Variants in DLGAP1 observed in about 807,000 individuals in gnomAD.
The protein encoded by DLGAP1 is disks large-associated protein 1.
Under a neutral mutation model 90.8 loss-of-function variants are expected in DLGAP1, and 11 were observed. The observed-to-expected ratio is 0.12, with a 90% CI of 0.08 to 0.20. The LOEUF (loss-of-function observed/expected upper bound fraction) is 0.20, where lower values mean the gene tolerates loss of function less well. Among genes scored for constraint, DLGAP1 ranks in the 10% least tolerant of loss-of-function variants. The pLI, the probability that DLGAP1 is intolerant of heterozygous loss-of-function variation, is 1.00. For missense variants in DLGAP1, 1,050 were observed against 1,333.8 expected (o/e 0.79, Z 3.31); for synonymous variants, 558 against 540.7 (o/e 1.03, Z -0.44).
chr18:4,276,166 C>A (rs1040146348), intron 1 of DLGAP1, among the ~76,000 whole-genome samples: 2 of 129,922 alleles, frequency 1.5e-5, no homozygotes, highest in African/African-American at 3.0e-5. Flanking sequence ...TGGGAGGGGG[C>A]TTGATTTTTT....
chr18:4,430,213 G>A (rs2083254384), intron 1 of DLGAP1, among the ~76,000 whole-genome samples: 1 of 152,086 alleles, frequency 6.6e-6, no homozygotes, highest in Non-Finnish European at 1.5e-5. Flanking sequence ...TATTTGTTGA[G>A]TTGTTATGTC....
At chr18:3,593,336 A>G (rs1198979233) in intron 7 of DLGAP1, among the ~76,000 whole-genome samples, 1 of 152,212 alleles carries the variant, frequency 6.6e-6, no homozygotes, top group Non-Finnish European at 1.5e-5. Flanking sequence ...CAAAATGCAC[A>G]TGGAAAAATC....
At chr18:3,816,237 G>A (rs763185488) in intron 4 of DLGAP1, among the ~76,000 whole-genome samples, 1 of 151,994 alleles carries the variant, frequency 6.6e-6, no homozygotes, top group African/African-American at 2.4e-5. Context: ...TAGGGTTCGA[G>A]GTGTTTAACT....
chr18:4,149,435 T>C (rs554315848), intron 2 of DLGAP1, among the ~76,000 whole-genome samples: 5 of 152,254 alleles, frequency 3.3e-5, no homozygotes, highest in African/African-American at 9.6e-5. Flanking sequence ...TAGAATAAAG[T>C]AAAAGGAGCT....
At chr18:3,592,334 G>A (rs563650628) in intron 7 of DLGAP1, among the ~76,000 whole-genome samples, 8 of 152,222 alleles carry the variant, frequency 5.3e-5, no homozygotes, top group Admixed American at 4.6e-4. Flanking sequence ...TGCTCCTTGC[G>A]GTGATGTGTT....
chr18:3,713,403 C>T (rs1810226639), intron 7 of DLGAP1, among the ~76,000 whole-genome samples: 1 of 152,200 alleles, frequency 6.6e-6, no homozygotes, highest in South Asian at 2.1e-4. Flanking sequence ...GGACACATCG[C>T]TCAGATAACT....
intron 2 of DLGAP1, among the ~76,000 whole-genome samples, chr18:4,092,482 C>A (rs575114206): frequency 3.9e-5 from 6 of 152,300 alleles, no homozygotes; most frequent in African/African-American, 1.4e-4. Flanking sequence ...TCTCGTCCAT[C>A]CCCTTGTGGT....
At chr18:3,922,782 G>C (rs1290008722) in intron 3 of DLGAP1, among the ~76,000 whole-genome samples, 1 of 151,928 alleles carries the variant, frequency 6.6e-6, no homozygotes, top group Admixed American at 6.6e-5. Context: ...GTTACTTCTG[G>C]GTAAAAGGAT....
At chr18:3,792,123 C>T (rs2148235548) in intron 5 of DLGAP1, among the ~76,000 whole-genome samples, 1 of 152,282 alleles carries the variant, frequency 6.6e-6, no homozygotes, top group South Asian at 2.1e-4. Flanking sequence ...CCAGCTGGCC[C>T]TGTGTACTCA....
At position 3,600,719 on chromosome 18, in the gene DLGAP1, TAGAG is replaced by T. The variant is rs1265964236; in HGVS notation, c.1592-18475_1592-18472del. Among the ~76,000 whole-genome samples the T allele has an allele frequency of 1.6e-3, 98 of 61,204 alleles. 4 individuals carry two copies. The highest frequency in any genetic ancestry group is 2.7e-3 in the African/African-American group (36 of 13,248). The allele number at this position is 61,204 out of a possible 152,430, so 40.2% of individuals were successfully genotyped here. On this transcript the variant is annotated intron_variant, in intron 7 of 12. Coordinates refer to ENST00000315677, the MANE Select transcript of DLGAP1 (RefSeq NM_004746.4). ...ATAGATATCTATAGCTATATAGATATAGAGATATAGATATATATAGATATATAGA... is the reference window on the plus strand; with the variant it reads ...ATAGATATCTATAGCTATATAGATATATATAGATATATATAGATATATAGA...
chr18:3,732,554 G>A (rs1311212796), intron 6 of DLGAP1, among the ~76,000 whole-genome samples: 3 of 151,942 alleles, frequency 2.0e-5, no homozygotes, highest in East Asian at 1.9e-4. Context: ...ATATGTAATC[G>A]ATTTTTAAAA....
chr18:3,583,512 CACTG>C (rs1300090942), intron 7 of DLGAP1, among the ~76,000 whole-genome samples: 4 of 152,176 alleles, frequency 2.6e-5, no homozygotes, highest in African/African-American at 7.2e-5. Context: ...CAGAACTACT[CACTG>C]AGAGTATTTA....
intron 1 of DLGAP1, among the ~76,000 whole-genome samples, chr18:4,229,463 T>G (rs1329283213): frequency 1.3e-5 from 2 of 152,144 alleles, no homozygotes; most frequent in East Asian, 3.9e-4. Flanking sequence ...AGCATGACAC[T>G]GGCATAAAAA....
At chr18:4,064,078 C>A (rs2075337681) in intron 2 of DLGAP1, among the ~76,000 whole-genome samples, 1 of 151,996 alleles carries the variant, frequency 6.6e-6, no homozygotes, top group Non-Finnish European at 1.5e-5. Context: ...CTGGCATCAT[C>A]AGTCAAAAGC....
At chr18:4,106,541 T>C (rs1255367503) in intron 2 of DLGAP1, among the ~76,000 whole-genome samples, 1 of 152,200 alleles carries the variant, frequency 6.6e-6, no homozygotes, top group Non-Finnish European at 1.5e-5. Flanking sequence ...TCAGAAAATG[T>C]GCCCAGGTTT....
chr18:3,830,491 G>A (rs995772394), intron 4 of DLGAP1, among the ~76,000 whole-genome samples: 2 of 152,200 alleles, frequency 1.3e-5, no homozygotes, highest in East Asian at 1.9e-4. Context: ...CCTTGAACCC[G>A]GGAGGCGGAG....
At chr18:4,076,876 G>A (rs532890975) in intron 2 of DLGAP1, among the ~76,000 whole-genome samples, 17 of 152,120 alleles carry the variant, frequency 1.1e-4, no homozygotes, top group East Asian at 3.9e-4. Context: ...CACCTGCCTC[G>A]GCCTCCCAAA....
intron 2 of DLGAP1, among the ~76,000 whole-genome samples, chr18:4,094,607 CTTTTTT>C (rs35060422): frequency 7.2e-5 from 9 of 124,826 alleles, no homozygotes; most frequent in Non-Finnish European, 1.3e-4. Context: ...CTTTCTCTTT[CTTTTTT>C]TTTTTTTTTT....
intron 1 of DLGAP1, among the ~76,000 whole-genome samples, chr18:4,190,142 A>C (rs2077369629): frequency 6.6e-6 from 1 of 152,158 alleles, no homozygotes; most frequent in South Asian, 2.1e-4. Flanking sequence ...AGGAATAAAC[A>C]AACTGTGATA....
Sources: allele counts gnomAD v4.1 joint callset (sites outside exome capture counted in the v4.1 genomes callset), GRCh38; gene constraint gnomAD v4.1.1; transcripts MANE v1.5; gene names NCBI Gene and HGNC (gene_info 2026-07-23, HGNC 2026-07-21).